Variants in UBA7 observed in about 807,000 individuals in gnomAD.
UBA7 encodes the protein ubiquitin like modifier activating enzyme 7.
Under a neutral mutation model 113.0 loss-of-function variants are expected in UBA7, and 88 were observed. That is an observed-to-expected ratio of 0.78 (90% CI 0.66 to 0.93). The LOEUF (loss-of-function observed/expected upper bound fraction) is 0.93, where lower values mean the gene tolerates loss of function less well. Ranked by LOEUF, UBA7 falls within the 40% of genes least tolerant of loss-of-function variation. UBA7 has a pLI of 0.00. For missense variants in UBA7, 1,092 were observed against 1,266.4 expected, an observed-to-expected ratio of 0.86 and a Z score of 2.09; for synonymous variants, 459 against 513.0, an observed-to-expected ratio of 0.89 and a Z score of 1.42.
In UBA7 at chr3:49,809,385, C is replaced by G; in HGVS notation, c.2163+5G>C. 5.0e-6 allele frequency: 8 copies of G among 1,613,864 alleles called. No homozygotes were observed. Among genetic ancestry groups the G allele is most frequent in the Non-Finnish European group, 6.8e-6 (8 of 1,179,822 alleles). On this transcript the variant is annotated splice_donor_5th_base_variant and intron_variant, in intron 17 of 23. Transcript: ENST00000333486. ...TCTTGGAGCTCCCTACAGAATCCCA[C>G]TCACTTGGTTGGTGTCAAACTCCAA...
At chr3:49,812,567 A>T in intron 5 of UBA7, 24 bp from the exon 6 acceptor site, 1 of 1,614,110 alleles carries the variant, frequency 6.2e-7, no homozygotes, top group Non-Finnish European at 8.5e-7. Flanking sequence ...GGCTTGGCTC[A>T]GGGTTGCCTG....
rs200258650 is a variant in UBA7 at position 49,809,845 on chromosome 3, A to G, written c.1874T>C (p.Leu625Pro). 138 of 1,614,082 alleles carry G rather than the reference A, an allele frequency of 8.5e-5. No homozygotes were observed. The highest frequency in any genetic ancestry group is 1.7e-5 in the Admixed American group (1 of 60,008). ...GTGGTGGTTGATGGTCTCTGCAGAC[A>G]GTCGGAAGAGTTCTTCAAACTCATG... ...ARHEFEELFR[L>P]SAETINHHQQ... Residue 625 changes from leucine to proline, a missense_variant, in exon 15 of 24, where the codon CTG becomes CCG. Leu to Pro is a moderately conservative substitution (Grantham distance 98). Transcript: ENST00000333486.
chr3:49,808,608 G>A (rs2234385), intron 18 of UBA7, 140 bp from the exon 19 acceptor site: 255,028 of 884,870 alleles, frequency 0.29, 38,615 homozygotes, highest in Non-Finnish European at 0.31. Flanking sequence ...CTTAATTAAT[G>A]CTACAATCTC....
chr3:49,810,493 G>A lies in UBA7; in HGVS notation c.1467+24C>T. 6.2e-7 allele frequency: 1 copy of A among 1,614,100 alleles called. No homozygotes were observed. Among genetic ancestry groups the A allele is most frequent in the Non-Finnish European group, 8.5e-7 (1 of 1,179,984 alleles). ...TGGGAGGACGGTCTGGGATGCAGGA[G>A]TGTGGAGAGGGGTCAGCACTCACAC... On this transcript the variant is annotated intron_variant, in intron 12 of 23. Coordinates refer to ENST00000333486, the MANE Select transcript of UBA7 (RefSeq NM_003335.3). This position sits in a 1 kb window ranked among gnomAD's most constrained non-coding sequence, Gnocchi z 5.6.
chr3:49,805,904 G>A lies in UBA7; in HGVS notation c.2902C>T (p.Pro968Ser). 6.4e-7 allele frequency: 1 copy of A among 1,553,396 alleles called. No individual in the cohort carries two copies. Among genetic ancestry groups the A allele is most frequent in the Non-Finnish European group, 8.7e-7 (1 of 1,148,294 alleles). Reference protein sequence around the residue: ...WSPEKQAQHLPLRVTELVQQL... With the variant: ...WSPEKQAQHLSLRVTELVQQL... ...AGCCCCAAGTGGGCTCACCTGAGGG[G>A]CAGGTGCTGGGCCTGCTTTTCAGGT... Residue 968 changes from proline to serine, a missense_variant, in exon 23 of 24, where the codon CCC (proline) becomes TCC (serine). Around this residue, in one of 3 missense-constraint regions of UBA7, gnomAD observed 500 missense variants for 529.3 expected, o/e 0.94. Transcript: ENST00000333486.
intron 6 of UBA7, 60 bp downstream of exon 6, chr3:49,812,348 G>A (rs2081562886): frequency 6.2e-7 from 1 of 1,612,152 alleles, no homozygotes; most frequent in Non-Finnish European, 8.5e-7. Context: ...GGGCCAGGCT[G>A]TGCTCACTTC....
rs1285769074 is a variant in UBA7, at chr3:49,812,292, C to T, written c.695-86G>A. On this transcript the variant is annotated intron_variant, in intron 6 of 23. Coordinates refer to ENST00000333486, the MANE Select transcript of UBA7 (RefSeq NM_003335.3). ...TCCTATCTTGCATCTGTGTCCCAGACCTTGCTGCACCTTGTAGAAGGTGGA... is the reference window on the plus strand; with the variant it reads ...TCCTATCTTGCATCTGTGTCCCAGATCTTGCTGCACCTTGTAGAAGGTGGA... 9.3e-6 allele frequency: 15 copies of T among 1,610,632 alleles called. No homozygotes were observed. In the Admixed American group the frequency reaches 2.3e-4, roughly 25 times the overall value.
chr3:49,812,214 A>G lies in UBA7; in HGVS notation c.695-8T>C. ...TCTCCAGGGACCCATCCTCTGAGGG[A>G]GTTCCAGTCTAGTCAGTAATGATCC... On this transcript the variant is annotated splice_region_variant and splice_polypyrimidine_tract_variant and intron_variant, in intron 6 of 23. Coordinates refer to ENST00000333486, the MANE Select transcript of UBA7 (RefSeq NM_003335.3). 1 of 1,614,094 alleles carries G rather than the reference A, an allele frequency of 6.2e-7. No individual in the cohort carries two copies. Among genetic ancestry groups the G allele is most frequent in the East Asian group, 2.2e-5 (1 of 44,878 alleles).
chr3:49,810,702 G>A lies in UBA7; in HGVS notation c.1312-30C>T, dbSNP rs758594072. On this transcript the variant is annotated intron_variant, in intron 11 of 23. Transcript: ENST00000333486. The surrounding 1 kb of genome is among the most constrained non-coding windows in gnomAD (Gnocchi z 5.6). ...TGGCAGGAACAGCCTTAGCCAGAGGGGCTGGGCTGGCTCTCCCAAAGGCAC... is the reference window on the plus strand; with the variant it reads ...TGGCAGGAACAGCCTTAGCCAGAGGAGCTGGGCTGGCTCTCCCAAAGGCAC... The A allele has an allele frequency of 2.5e-6, 4 of 1,613,916 alleles. No homozygotes were observed. The highest frequency in any genetic ancestry group is 2.5e-6 in the Non-Finnish European group (3 of 1,179,958).
At position 49,813,741 on chromosome 3, in the gene UBA7, G is replaced by A; in HGVS notation, c.47C>T (p.Ser16Leu). The change falls in exon 1 of 24, where the codon TCA becomes TTA. Residue 16 changes from serine (S) to leucine (L), a missense_variant. By Grantham distance (145) the Ser-to-Leu change is moderately radical. Coordinates refer to ENST00000333486, the MANE Select transcript of UBA7 (RefSeq NM_003335.3). The part of the protein sequence containing the change: ...ASKLLDEELY[S>L]RQLYVLGSPA... The stretch of plus-strand genomic sequence containing the variant: ...CCACCTCGGGCCTCACAGCTGTCTT[G>A]AATACAGCTCCTCATCCAGTAGCTT... The A allele has an allele frequency of 1.9e-6, 3 of 1,614,228 alleles. No individual in the cohort carries two copies. The highest frequency in any genetic ancestry group is 2.5e-6 in the Non-Finnish European group (3 of 1,180,034).
Position 49,807,769 on chromosome 3 carries a change from G to A in UBA7, c.2682C>T (p.Ile894=), listed in dbSNP as rs772818030. 8.7e-6 allele frequency: 14 copies of A among 1,613,296 alleles called. No individual in the cohort carries two copies. The South Asian group carries it at 1.3e-4, about 15-fold the overall frequency. ...TGGCTGGGGCAAAAGGCATATAGCG[G>A]ATGAGGTAGTTTTCAGCCAGATGTA... ...SYLHLAENYL[I]RYMPFAPAIQ... The change falls in exon 21 of 24, where the codon ATC becomes ATT. Residue 894 remains isoleucine (I), a synonymous_variant. Transcript: ENST00000333486. The surrounding 1 kb of genome is among the most constrained non-coding windows in gnomAD (Gnocchi z 4.0).
rs2081440075 is a variant in UBA7 at position 49,805,906 on chromosome 3, A to C, written c.2900T>G (p.Leu967Arg). The C allele has an allele frequency of 6.4e-7, 1 of 1,553,736 alleles. No individual in the cohort carries two copies. The highest frequency in any genetic ancestry group is 1.4e-5 in the African/African-American group (1 of 73,300). ...CCCCAAGTGGGCTCACCTGAGGGGC[A>C]GGTGCTGGGCCTGCTTTTCAGGTGA... is the stretch of plus-strand genomic sequence containing the variant. ...GWSPEKQAQH[L>R]PLRVTELVQQ... Residue 967 changes from leucine to arginine, a missense_variant, in exon 23 of 24, where the codon CTG becomes CGG. Physicochemically the swap from Leu to Arg is moderately radical, Grantham distance 102 (BLOSUM62 -2). Transcript: ENST00000333486.
chr3:49,806,043 C>T (rs199582813), intron 22 of UBA7, 30 bp downstream of exon 22: 4 of 1,576,092 alleles, frequency 2.5e-6, no homozygotes, highest in African/African-American at 1.3e-5. Context: ...CTGGGCTGAG[C>T]CTGGGGGTTG....
Position 49,810,430 on chromosome 3 carries a change from T to C in UBA7, c.1468-2A>G, listed in dbSNP as rs374493228. 2.5e-6 allele frequency: 4 copies of C among 1,613,920 alleles called. No individual in the cohort carries two copies. The highest frequency in any genetic ancestry group is 1.3e-5 in the African/African-American group (1 of 74,894). On this transcript the variant is annotated splice_acceptor_variant, in intron 12 of 23. Transcript: ENST00000333486. LOFTEE classifies it high-confidence loss of function. This position sits in a 1 kb window ranked among gnomAD's most constrained non-coding sequence, Gnocchi z 5.6. ...TGCAGCCACCTCTGCCTTGGGTCTC[T>C]GGGAAGAAGGCAGGAAGATGTTGGG...
At chr3:49,805,514 G>A (rs2081433658) in intron 23 of UBA7, 77 bp from the exon 24 acceptor site, 1 of 1,431,414 alleles carries the variant, frequency 7.0e-7, no homozygotes, top group Admixed American at 1.8e-5. Context: ...GGACTAGAGA[G>A]GGTGCTGGCA....
rs1269450934 is a variant in UBA7, at chr3:49,810,483, G to A, written c.1467+34C>T. ...GGAAGCTGTATGGGAGGACGGTCTG[G>A]GATGCAGGAGTGTGGAGAGGGGTCA... On this transcript the variant is annotated intron_variant, in intron 12 of 23. Transcript: ENST00000333486. This position sits in a 1 kb window ranked among gnomAD's most constrained non-coding sequence, Gnocchi z 5.6. 2.5e-6 allele frequency: 4 copies of A among 1,613,958 alleles called. No homozygotes were observed. The highest frequency in any genetic ancestry group is 3.3e-5 in the Admixed American group (2 of 60,010).
chr3:49,808,237 C>T, intron 19 of UBA7, 125 bp from the exon 20 acceptor site: 1 of 1,512,502 alleles, frequency 6.6e-7, no homozygotes, highest in Non-Finnish European at 9.2e-7. Flanking sequence ...TCCTCTTGAT[C>T]AGACAGGCTG....
chr3:49,805,501 C>T, intron 23 of UBA7, 64 bp from the exon 24 acceptor site: 1 of 1,513,400 alleles, frequency 6.6e-7, no homozygotes, highest in East Asian at 2.3e-5. Flanking sequence ...GGCAGCCTGG[C>T]ATGGACTAGA....
rs1453480043 is a variant in UBA7 at position 49,811,976 on chromosome 3, G to C, written c.833C>G (p.Ala278Gly). 1 of 1,614,198 alleles carries C rather than the reference G, an allele frequency of 6.2e-7. No individual in the cohort carries two copies. The highest frequency in any genetic ancestry group is 8.5e-7 in the Non-Finnish European group (1 of 1,180,044). Residue 278 changes from alanine (A) to glycine (G), a missense_variant, in exon 8 of 24, where the codon GCC becomes GGC. This residue lies in a region of UBA7 where 584 missense variants were observed against 714.5 expected (regional missense o/e 0.82). Transcript: ENST00000333486. ...DTALLQPHVV[A>G]QSSQEVHHAH... ...ATGGTGAACTTCCTGGGAGCTCTGG[G>C]CCACCACATGGGGCTGGAGCAGGGC...
Sources: allele counts gnomAD v4.1 joint callset, GRCh38; gene constraint gnomAD v4.1.1; regional missense constraint gnomAD v4.1.1; non-coding constraint Gnocchi (gnomAD v3.1); transcripts MANE v1.5; gene names NCBI Gene and HGNC (gene_info 2026-07-23, HGNC 2026-07-21).